AKAP7: variants seen among roughly 807,000 people sequenced by gnomAD.
AKAP7 encodes the protein A kinase (PRKA) anchor protein 7.
AKAP7 carries 39 observed loss-of-function variants against 39.5 expected under a neutral mutation model. The observed-to-expected ratio is 0.99, with a 90% CI of 0.76 to 1.29. AKAP7 has a LOEUF of 1.29. AKAP7 is among the 50% of genes most tolerant of loss of function. The pLI, the probability that AKAP7 is intolerant of heterozygous loss-of-function variation, is 0.00. For missense variants in AKAP7, 414 were observed against 407.7 expected (o/e 1.02, Z -0.13); for synonymous variants, 140 against 139.1 (o/e 1.01, Z -0.05).
At chr6:131,171,218 A>G (rs554455997) in intron 5 of AKAP7, among the ~76,000 whole-genome samples, 3 of 152,324 alleles carry the variant, frequency 2.0e-5, no homozygotes, top group East Asian at 3.9e-4. Context: ...GTGCAGAAAC[A>G]AACAGGCAAG....
chr6:131,125,651 C>G, the AKAP7 span, among the ~76,000 whole-genome samples: 117,906 of 152,140 alleles, frequency 0.77, 46,414 homozygotes, highest in East Asian at 0.98. Context: ...CCTTCCAATA[C>G]AGCAAGTGGC....
intron 5 of AKAP7, among the ~76,000 whole-genome samples, chr6:131,180,718 G>A (rs1805110195): frequency 6.6e-6 from 1 of 152,066 alleles, no homozygotes; most frequent in Non-Finnish European, 1.5e-5. Flanking sequence ...GCCCCTGATA[G>A]CTTTGTAATT....
chr6:131,190,448 G>A (rs1806296017), intron 5 of AKAP7, among the ~76,000 whole-genome samples: 1 of 151,970 alleles, frequency 6.6e-6, no homozygotes, highest in African/African-American at 2.4e-5. Flanking sequence ...TGCAAGATCA[G>A]ATTGGCCAAC....
intron 1 of AKAP7, among the ~76,000 whole-genome samples, chr6:131,139,233 A>G (rs1749785451): frequency 6.6e-6 from 1 of 152,234 alleles, no homozygotes; most frequent in African/African-American, 2.4e-5. Context: ...AATGACCAGC[A>G]GTTCTTTCAA....
chr6:131,136,917 T>C (rs2128221890), intron 1 of AKAP7: 2 of 967,850 alleles, frequency 2.1e-6, no homozygotes, highest in African/African-American at 1.8e-5. Flanking sequence ...CAGTTGTTCT[T>C]AGGAATAAAC....
At chr6:131,135,428 C>T (rs1228660882), upstream of AKAP7, among the ~76,000 whole-genome samples, 1 of 151,226 alleles carries the variant, frequency 6.6e-6, no homozygotes, top group African/African-American at 2.4e-5. Context: ...CGCCTCTCGC[C>T]CGAATCCGGG....
intron 5 of AKAP7, among the ~76,000 whole-genome samples, chr6:131,172,211 A>T (rs1424968699): frequency 1.3e-5 from 2 of 152,198 alleles, no homozygotes; most frequent in Non-Finnish European, 2.9e-5. Context: ...TAATTAAAGT[A>T]TTTTTTAAGA....
intron 6 of AKAP7, among the ~76,000 whole-genome samples, chr6:131,212,856 A>G (rs1032288808): frequency 2.6e-5 from 4 of 152,228 alleles, no homozygotes; most frequent in Non-Finnish European, 4.4e-5. Context: ...AGAAAGTACC[A>G]GGTACATGGG....
At chr6:131,265,361 C>T (rs1053274730) in intron 7 of AKAP7, among the ~76,000 whole-genome samples, 1 of 152,238 alleles carries the variant, frequency 6.6e-6, no homozygotes, top group Non-Finnish European at 1.5e-5. Flanking sequence ...TCTCAAGCTC[C>T]TGACCTCAAG....
At chr6:131,215,400 T>C (rs959545627) in intron 6 of AKAP7, among the ~76,000 whole-genome samples, 1 of 152,274 alleles carries the variant, frequency 6.6e-6, no homozygotes, top group East Asian at 1.9e-4. Flanking sequence ...CTGGAGCTCA[T>C]TGGTTGGTGC....
rs1398523947 is a variant in AKAP7, at chr6:131,202,425, C to T, written c.702+2852C>T. On this transcript the variant is annotated intron_variant, in intron 6 of 7. Transcript: ENST00000431975. Reference sequence around the variant, plus strand: ...CACATATACACCATGGAATACTATGCAGCCATAAAAAATGATAAGTTCATG... The same window carrying T: ...CACATATACACCATGGAATACTATGTAGCCATAAAAAATGATAAGTTCATG... Among the ~76,000 whole-genome samples, 3 of 149,870 alleles carry T rather than the reference C, an allele frequency of 2.0e-5. No homozygotes were observed. The East Asian group carries it at 5.8e-4, about 29-fold the overall frequency.
intron 5 of AKAP7, among the ~76,000 whole-genome samples, chr6:131,188,289 A>G (rs183485635): frequency 1.9e-4 from 29 of 152,378 alleles, no homozygotes; most frequent in Admixed American, 1.7e-3. Context: ...TTTAAGCAGT[A>G]TGTGGATACA....
At chr6:131,250,179 GGA>G in intron 7 of AKAP7, 1 of 995,708 alleles carries the variant, frequency 1.0e-6, no homozygotes, top group Non-Finnish European at 1.2e-6. Flanking sequence ...GTTGTCTGTA[GGA>G]GAAAGGGCTC....
chr6:131,276,543 G>A (rs1814758720), intron 7 of AKAP7, among the ~76,000 whole-genome samples: 1 of 151,388 alleles, frequency 6.6e-6, no homozygotes, highest in South Asian at 2.1e-4. Flanking sequence ...CAAAAGAAAA[G>A]GTAAGCTCAG....
upstream of AKAP7, among the ~76,000 whole-genome samples, chr6:131,132,482 CCTGA>C (rs922850400): frequency 1.3e-5 from 2 of 152,032 alleles, no homozygotes; most frequent in African/African-American, 2.4e-5. Flanking sequence ...CCCATTCCTC[CCTGA>C]CTATTAGTAC....
intron 7 of AKAP7, among the ~76,000 whole-genome samples, chr6:131,269,934 AGAGGGG>A (rs2128333904): frequency 6.6e-6 from 1 of 152,306 alleles, no homozygotes; most frequent in South Asian, 2.1e-4. Context: ...TGTCTAAAAC[AGAGGGG>A]CTGAGAAAGC....
chr6:131,212,971 T>C (rs1003476729), intron 6 of AKAP7, among the ~76,000 whole-genome samples: 6 of 152,122 alleles, frequency 3.9e-5, no homozygotes, highest in African/African-American at 1.4e-4. Context: ...GAGTGTACAG[T>C]CTCTTGTACA....
In AKAP7 at chr6:131,266,745, TATG is replaced by T. The variant is rs1813833387; in HGVS notation, c.851-14782_851-14780del. 2.6e-5 allele frequency among the ~76,000 whole-genome samples: 4 copies of T among 152,258 alleles called. No homozygotes were observed. In the South Asian group the frequency reaches 8.3e-4, roughly 32 times the overall value. On this transcript the variant is annotated intron_variant, in intron 7 of 7. Coordinates refer to ENST00000431975, the MANE Select transcript of AKAP7 (RefSeq NM_016377.4). ...TGTGCTCTGTCTCTCTGTTCATTTTTATGATATTTCTAGAAAAGTTGGCCAAAG... is the reference window on the plus strand; with the variant it reads ...TGTGCTCTGTCTCTCTGTTCATTTTTATATTTCTAGAAAAGTTGGCCAAAG...
At chr6:131,249,592 T>C (rs1812283635) in intron 7 of AKAP7, among the ~76,000 whole-genome samples, 1 of 152,178 alleles carries the variant, frequency 6.6e-6, no homozygotes, top group Admixed American at 6.5e-5. Flanking sequence ...TTTTCTTTCC[T>C]AGAGTGTCAT....
Sources: allele counts gnomAD v4.1 joint callset (sites outside exome capture counted in the v4.1 genomes callset), GRCh38; gene constraint gnomAD v4.1.1; transcripts MANE v1.5; gene names NCBI Gene and HGNC (gene_info 2026-07-23, HGNC 2026-07-21).